SHISA9: variants seen among roughly 807,000 people sequenced by gnomAD.
The protein encoded by SHISA9 is shisa family member 9, also known as protein shisa-9.
A neutral mutation model predicts 38.0 loss-of-function variants in SHISA9; 13 were observed. The ratio of observed to expected loss-of-function variants is 0.34; its 90% CI spans 0.22 to 0.54. The LOEUF is 0.54. SHISA9 is among the 20% of genes least tolerant of loss of function. The pLI, the probability that SHISA9 is intolerant of heterozygous loss-of-function variation, is 0.91. For missense variants in SHISA9, 538 were observed against 575.8 expected (o/e 0.93, Z 0.67); for synonymous variants, 275 against 242.0 (o/e 1.14, Z -1.27).
intron 2 of SHISA9, among the ~76,000 whole-genome samples, chr16:12,992,373 A>G (rs867484886): frequency 2.0e-5 from 3 of 150,868 alleles, no homozygotes; most frequent in Admixed American, 6.6e-5. Flanking sequence ...AAAAAAAAAA[A>G]AAAAAAAAGT....
chr16:13,432,721 G>A, the SHISA9 span, among the ~76,000 whole-genome samples: 3 of 152,226 alleles, frequency 2.0e-5, no homozygotes, highest in Admixed American at 6.5e-5. Flanking sequence ...TGTTAACAGA[G>A]TAGTATGCAG....
At chr16:13,210,719 G>C (rs2051110729) in intron 3 of SHISA9, among the ~76,000 whole-genome samples, 1 of 152,186 alleles carries the variant, frequency 6.6e-6, no homozygotes, top group African/African-American at 2.4e-5. Flanking sequence ...GCACACCTCT[G>C]AGGGAGGCAT....
At chr16:13,337,458 T>A in the SHISA9 span, among the ~76,000 whole-genome samples, 1 of 152,174 alleles carries the variant, frequency 6.6e-6, no homozygotes, top group Admixed American at 6.6e-5. Flanking sequence ...ATTAAACCTC[T>A]TTCTTTTGTA....
At chr16:13,284,041 T>C in the SHISA9 span, among the ~76,000 whole-genome samples, 1 of 152,186 alleles carries the variant, frequency 6.6e-6, no homozygotes, top group African/African-American at 2.4e-5. Context: ...TTTTGATGCC[T>C]TCATTAAACA....
chr16:13,418,561 C>G, the SHISA9 span, among the ~76,000 whole-genome samples: 2 of 152,156 alleles, frequency 1.3e-5, no homozygotes, highest in African/African-American at 4.8e-5. Flanking sequence ...GGACTTCCCC[C>G]CAGTATGGCG....
At chr16:12,935,505 G>A (rs2071517787) in intron 2 of SHISA9, among the ~76,000 whole-genome samples, 1 of 152,126 alleles carries the variant, frequency 6.6e-6, no homozygotes, top group African/African-American at 2.4e-5. Context: ...GCAAAAATGG[G>A]CATATGTGAT....
intron 2 of SHISA9, among the ~76,000 whole-genome samples, chr16:12,925,745 T>C (rs1191426932): frequency 1.3e-5 from 2 of 152,244 alleles, no homozygotes; most frequent in Non-Finnish European, 2.9e-5. Flanking sequence ...TTTCTTTTCA[T>C]AGAGCATTTC....
intron 2 of SHISA9, among the ~76,000 whole-genome samples, chr16:13,139,877 C>T (rs2050384158): frequency 6.6e-6 from 1 of 152,158 alleles, no homozygotes; most frequent in Non-Finnish European, 1.5e-5. Flanking sequence ...CAGAGTCACT[C>T]ATTAAGCTAC....
chr16:13,013,750 C>T (rs755483669), intron 2 of SHISA9, among the ~76,000 whole-genome samples: 16 of 151,116 alleles, frequency 1.1e-4, no homozygotes, highest in South Asian at 2.1e-4. Context: ...TTTTTTGAGA[C>T]GGAGTCTCGC....
the SHISA9 span, among the ~76,000 whole-genome samples, chr16:13,553,240 C>T: frequency 6.6e-6 from 1 of 152,204 alleles, no homozygotes; most frequent in Non-Finnish European, 1.5e-5. Context: ...TTTCCCCATT[C>T]TGTAAGTGAA....
intron 2 of SHISA9, among the ~76,000 whole-genome samples, chr16:13,118,736 T>TTC (rs1402038440): frequency 6.7e-6 from 1 of 149,372 alleles, no homozygotes; most frequent in Non-Finnish European, 1.5e-5. Flanking sequence ...TTTTCTTTTT[T>TTC]TTTTTTTTTT....
At chr16:13,485,039 T>G in the SHISA9 span, among the ~76,000 whole-genome samples, 5 of 152,012 alleles carry the variant, frequency 3.3e-5, no homozygotes, top group African/African-American at 1.2e-4. Flanking sequence ...CTTTTTTTTT[T>G]TTAACTTTAA....
At chr16:13,115,029 T>C (rs1416038726) in intron 2 of SHISA9, among the ~76,000 whole-genome samples, 2 of 152,122 alleles carry the variant, frequency 1.3e-5, no homozygotes, top group East Asian at 3.9e-4. Flanking sequence ...TATCCATCCA[T>C]CTATCTATCT....
chr16:13,009,283 T>C (rs554291772), intron 2 of SHISA9, among the ~76,000 whole-genome samples: 6 of 152,104 alleles, frequency 3.9e-5, no homozygotes, highest in Non-Finnish European at 8.8e-5. Flanking sequence ...TCAGAACCAC[T>C]GTGGCTTGTA....
rs370688219 is a variant in SHISA9 at position 12,926,847 on chromosome 16, G to A, written c.691+10032G>A. Among the ~76,000 whole-genome samples the A allele has an allele frequency of 2.1e-3, 327 of 152,324 alleles. 1 individual carries two copies. Among genetic ancestry groups the A allele is most frequent in the Middle Eastern group, 3.4e-3 (1 of 294 alleles). ...GACTTTGCCCACCGCTGACTGAGGG[G>A]AGGACTATTTGTCTTACACTATAGA... On this transcript the variant is annotated intron_variant, in intron 2 of 4. Coordinates refer to ENST00000558583, the MANE Select transcript of SHISA9 (RefSeq NM_001145204.3).
chr16:13,377,480 C>G, the SHISA9 span, among the ~76,000 whole-genome samples: 5 of 152,146 alleles, frequency 3.3e-5, no homozygotes, highest in African/African-American at 1.2e-4. Context: ...CCTCTGTTAC[C>G]TGGACTGCTA....
chr16:13,159,275 C>G (rs1009190377), intron 2 of SHISA9, among the ~76,000 whole-genome samples: 2 of 152,152 alleles, frequency 1.3e-5, no homozygotes, highest in African/African-American at 4.8e-5. Context: ...TCAACAAATG[C>G]TGGTTTCCTG....
chr16:13,115,255 A>G (rs1273639929), intron 2 of SHISA9, among the ~76,000 whole-genome samples: 2 of 152,216 alleles, frequency 1.3e-5, no homozygotes, highest in African/African-American at 2.4e-5. Context: ...AAAGACACAC[A>G]CACAGAAATA....
At chr16:12,917,621 T>G (rs1327678373) in intron 2 of SHISA9, among the ~76,000 whole-genome samples, 1 of 152,200 alleles carries the variant, frequency 6.6e-6, no homozygotes, top group East Asian at 1.9e-4. Context: ...AAAATAAGAT[T>G]GTTTAGTTTT....
Sources: allele counts gnomAD v4.1 joint callset (sites outside exome capture counted in the v4.1 genomes callset), GRCh38; gene constraint gnomAD v4.1.1; transcripts MANE v1.5; gene names NCBI Gene and HGNC (gene_info 2026-07-23, HGNC 2026-07-21).